The following SLC35B1 variants were observed in gnomAD, a reference collection of about 807,000 sequenced individuals.
SLC35B1 encodes the protein ATP/ADP exchanger ER.
A neutral mutation model predicts 36.6 loss-of-function variants in SLC35B1; 27 were observed. The ratio of observed to expected loss-of-function variants is 0.74; its 90% CI spans 0.54 to 1.02. The LOEUF is 1.02. SLC35B1 is among the 50% of genes least tolerant of loss of function. SLC35B1 has a pLI of 0.00. For synonymous variants in SLC35B1, 162 were observed against 152.5 expected (o/e 1.06, Z -0.46); for missense variants, 321 against 383.2 (o/e 0.84, Z 1.35).
At position 49,707,843 on chromosome 17, in the gene SLC35B1, A is replaced by C. The variant is rs999826742; in HGVS notation, c.-10T>G. The C allele has an allele frequency of 1.2e-6, 2 of 1,611,482 alleles. No individual in the cohort carries two copies. Among genetic ancestry groups the C allele is most frequent in the Non-Finnish European group, 1.7e-6 (2 of 1,179,654 alleles). Reference sequence around the variant, plus strand: ...AGCTGCTAGAGGCCATGAGACGCCCAGAGGAGCCGACTGGAGACCCGCTCA... The same window carrying C: ...AGCTGCTAGAGGCCATGAGACGCCCCGAGGAGCCGACTGGAGACCCGCTCA... On this transcript the variant is annotated 5_prime_UTR_variant, in exon 1 of 9. Transcript: ENST00000240333.
At chr17:49,706,120 T>C (rs2073412901) in intron 3 of SLC35B1, 84 bp downstream of exon 3, 1 of 1,395,146 alleles carries the variant, frequency 7.2e-7, no homozygotes, top group Admixed American at 2.5e-5. Flanking sequence ...TTTTTTTTTT[T>C]TTAACTCACA....
At chr17:49,705,753 C>G in intron 4 of SLC35B1, 113 bp downstream of exon 4, 1 of 1,030,904 alleles carries the variant, frequency 9.7e-7, no homozygotes, top group Non-Finnish European at 1.5e-6. Flanking sequence ...GGGAAAGTCC[C>G]TGGAGACAGC....
chr17:49,706,366 GAAAA>G, intron 2 of SLC35B1, 32 bp from the exon 3 acceptor site: 1 of 455,184 alleles, frequency 2.2e-6, no homozygotes, highest in Non-Finnish European at 2.9e-6. Context: ...AAAAAAAAAA[GAAAA>G]GAAAAGAAAA....
At chr17:49,707,162 A>G (rs2073429517) in intron 1 of SLC35B1, 94 bp from the exon 2 acceptor site, 3 of 1,380,434 alleles carry the variant, frequency 2.2e-6, no homozygotes, top group Non-Finnish European at 2.0e-6. Context: ...CTTTAAAATT[A>G]TCTTGCCTCT....
chr17:49,707,860 A>G lies in SLC35B1; in HGVS notation c.-27T>C. The stretch of plus-strand genomic sequence containing the variant: ...AGACGCCCAGAGGAGCCGACTGGAG[A>G]CCCGCTCACAACCGGCACCGGCAGC... On this transcript the variant is annotated 5_prime_UTR_variant, in exon 1 of 9. Coordinates refer to ENST00000240333, the MANE Select transcript of SLC35B1 (RefSeq NM_005827.4). The G allele has an allele frequency of 6.2e-7, 1 of 1,610,382 alleles. No individual in the cohort carries two copies.
Position 49,702,975 on chromosome 17 carries a change from G to A in SLC35B1, c.799C>T (p.Leu267=), listed in dbSNP as rs1254372159. The change falls in exon 8 of 9, where the codon CTG becomes TTG. Residue 267 remains leucine (L), a synonymous_variant. Coordinates refer to ENST00000240333, the MANE Select transcript of SLC35B1 (RefSeq NM_005827.4). Reference sequence around the variant, plus strand: ...GTTGTAGTGATGATGGAGCAGGTCAGGGGACCAAAATACACAACCGTCATA... The same window carrying A: ...GTTGTAGTGATGATGGAGCAGGTCAAGGGACCAAAATACACAACCGTCATA... ...IFMTVVYFGP[L]TCSIITTTRK... 4 of 1,613,968 alleles carry A rather than the reference G, an allele frequency of 2.5e-6. No individual in the cohort carries two copies. Among genetic ancestry groups the A allele is most frequent in the Non-Finnish European group, 3.4e-6 (4 of 1,180,020 alleles).
intron 5 of SLC35B1, among the ~76,000 whole-genome samples, 155 bp from the exon 6 acceptor site, chr17:49,704,381 G>T (rs1485659862): frequency 6.6e-6 from 1 of 152,138 alleles, no homozygotes; most frequent in Non-Finnish European, 1.5e-5. Context: ...TGGAAGGTGG[G>T]GAGAGACCAT....
chr17:49,708,124 T>C (rs893846098), upstream of SLC35B1: 9 of 702,538 alleles, frequency 1.3e-5, no homozygotes, highest in Admixed American at 2.1e-5. Flanking sequence ...TCGAGACTGA[T>C]CCCTCGCCCT....
At chr17:49,705,071 T>C in intron 5 of SLC35B1, 53 bp downstream of exon 5, 2 of 1,594,830 alleles carry the variant, frequency 1.3e-6, no homozygotes, top group Non-Finnish European at 1.7e-6. Flanking sequence ...GGTGAGACTA[T>C]CCTTTGGTTA....
Position 49,707,876 on chromosome 17 carries a change from C to T in SLC35B1, c.-43G>A. The T allele has an allele frequency of 1.9e-6, 3 of 1,607,730 alleles. No homozygotes were observed. Among genetic ancestry groups the T allele is most frequent in the Non-Finnish European group, 2.5e-6 (3 of 1,177,898 alleles). ...CGACTGGAGACCCGCTCACAACCGGCACCGGCAGCAGCGGCGGCGGAGGCG... is the reference window on the plus strand; with the variant it reads ...CGACTGGAGACCCGCTCACAACCGGTACCGGCAGCAGCGGCGGCGGAGGCG... On this transcript the variant is annotated 5_prime_UTR_variant, in exon 1 of 9. Transcript: ENST00000240333.
intron 4 of SLC35B1, 62 bp from the exon 5 acceptor site, chr17:49,705,343 C>A (rs1049455496): frequency 1.3e-6 from 2 of 1,501,286 alleles, no homozygotes; most frequent in African/African-American, 1.4e-5. Context: ...ACCCCAATGC[C>A]CTCCCTCCCA....
intron 7 of SLC35B1, 42 bp from the exon 8 acceptor site, chr17:49,703,053 T>A: frequency 6.2e-7 from 1 of 1,612,332 alleles, no homozygotes; most frequent in Non-Finnish European, 8.5e-7. Context: ...CTTCTGGGTA[T>A]CTGCCATTGG....
rs777342365 is a variant in SLC35B1, at chr17:49,707,912, C to A, written c.-79G>T. 2 of 1,581,120 alleles carry A rather than the reference C, an allele frequency of 1.3e-6. No homozygotes were observed. The highest frequency in any genetic ancestry group is 1.7e-6 in the Non-Finnish European group (2 of 1,163,888). ...GCGGCGGCGGAGGCGACAGCTCCAG[C>A]CGGACATCGCCGACCGGCGGCAGGG... is the stretch of plus-strand genomic sequence containing the variant. On this transcript the variant is annotated 5_prime_UTR_variant, in exon 1 of 9. Coordinates refer to ENST00000240333, the MANE Select transcript of SLC35B1 (RefSeq NM_005827.4).
chr17:49,706,474 C>T, intron 2 of SLC35B1, 140 bp from the exon 3 acceptor site: 3 of 761,300 alleles, frequency 3.9e-6, no homozygotes, highest in Non-Finnish European at 5.8e-6. Context: ...AAACAAGACA[C>T]AAGCTATTTC....
rs1205763662 is a variant in SLC35B1, at chr17:49,707,327, T to C, written c.105-259A>G. Reference sequence around the variant, plus strand: ...CGGAGAGGAAACATGCAGAACGAGATAGTGAAATCAGGTACCCCAGGCAGG... The same window carrying C: ...CGGAGAGGAAACATGCAGAACGAGACAGTGAAATCAGGTACCCCAGGCAGG... On this transcript the variant is annotated intron_variant, in intron 1 of 8. Coordinates refer to ENST00000240333, the MANE Select transcript of SLC35B1 (RefSeq NM_005827.4). 3 of 1,437,514 alleles carry C rather than the reference T, an allele frequency of 2.1e-6. No individual in the cohort carries two copies. The Admixed American group carries it at 6.3e-5, about 30-fold the overall frequency. The allele number at this position is 1,437,514 out of a possible 1,614,324, so 89.0% of individuals were successfully genotyped here. A position where few individuals can be genotyped will look rare whatever the true frequency, so the allele number is the denominator to read the frequency against.
Position 49,705,118 on chromosome 17 carries a change from T to C in SLC35B1, c.528+6A>G, listed in dbSNP as rs775016070. 3.7e-6 allele frequency: 6 copies of C among 1,613,864 alleles called. No individual in the cohort carries two copies. In the African/African-American group the frequency reaches 8.0e-5, roughly 22 times the overall value. On this transcript the variant is annotated splice_donor_region_variant and intron_variant, in intron 5 of 8. Transcript: ENST00000240333. ...AAAGGGTGCCTTCCCCAACAGGATC[T>C]CATACCAAGAGTAGCTCTCCATAGC... is the stretch of plus-strand genomic sequence containing the variant.
chr17:49,701,384 C>A lies in SLC35B1; in HGVS notation c.*74G>T. On this transcript the variant is annotated 3_prime_UTR_variant, in exon 9 of 9. Coordinates refer to ENST00000240333, the MANE Select transcript of SLC35B1 (RefSeq NM_005827.4). ...ACTCAGTCCCATATTCCTATTAAGT[C>A]CATTTTCCCAAGAGATGTCACTGTT... 1 of 1,187,940 alleles carries A rather than the reference C, an allele frequency of 8.4e-7. No individual in the cohort carries two copies. 73.6% of individuals were successfully genotyped at this position (1,187,940 alleles called of 1,614,324 possible).
At chr17:49,704,586 T>G (rs1292654880) in intron 5 of SLC35B1, among the ~76,000 whole-genome samples, 1 of 152,210 alleles carries the variant, frequency 6.6e-6, no homozygotes, top group Admixed American at 6.5e-5. Context: ...GTGCTTAGGC[T>G]GCCTGGATTG....
At chr17:49,708,129 C>G (rs747078756), upstream of SLC35B1, 31 of 701,780 alleles carry the variant, frequency 4.4e-5, no homozygotes, top group South Asian at 4.7e-4. Context: ...ACTGATCCCT[C>G]GCCCTGGAGA....
Sources: allele counts gnomAD v4.1 joint callset (sites outside exome capture counted in the v4.1 genomes callset), GRCh38; gene constraint gnomAD v4.1.1; transcripts MANE v1.5; gene names NCBI Gene and HGNC (gene_info 2026-07-23, HGNC 2026-07-21).